The following C16orf78 variants were observed in gnomAD, a reference collection of about 807,000 sequenced individuals.
The protein encoded by C16orf78 is uncharacterized protein C16orf78.
A neutral mutation model predicts 27.3 loss-of-function variants in C16orf78; 19 were observed. The ratio of observed to expected loss-of-function variants is 0.70; its 90% CI spans 0.49 to 1.02. C16orf78 has a LOEUF of 1.02. C16orf78 is among the 50% of genes least tolerant of loss of function. The probability of loss-of-function intolerance (pLI) is 0.00; values close to 1 mark genes in which losing one functional copy is unlikely to be tolerated. For synonymous variants in C16orf78, 130 were observed against 116.1 expected, an observed-to-expected ratio of 1.12 and a Z score of -0.77; for missense variants, 339 against 337.0, an observed-to-expected ratio of 1.01 and a Z score of -0.05.
chr16:49,385,931 T>C (rs190675819), intron 3 of C16orf78, among the ~76,000 whole-genome samples: 9 of 152,234 alleles, frequency 5.9e-5, no homozygotes, highest in African/African-American at 9.6e-5. Flanking sequence ...GCTGAATGAA[T>C]TTAATAAAAA....
Position 49,387,884 on chromosome 16 carries a change from G to A in C16orf78, c.395-8539G>A, listed in dbSNP as rs191373226. Among the ~76,000 whole-genome samples the A allele has an allele frequency of 5.6e-4, 85 of 152,214 alleles. 2 individuals are homozygous for A. The highest frequency in any genetic ancestry group is 1.9e-3 in the African/African-American group (80 of 41,508). On this transcript the variant is annotated intron_variant, in intron 3 of 4. Coordinates refer to ENST00000299191, the MANE Select transcript of C16orf78 (RefSeq NM_144602.4). The stretch of plus-strand genomic sequence containing the variant: ...TCTGATGGTTATTTGTATTTCTGTG[G>A]GGTCAGTGGTAATATCTCCTTTGTA...
intron 3 of C16orf78, among the ~76,000 whole-genome samples, chr16:49,388,244 C>G (rs1187722484): frequency 6.6e-6 from 1 of 152,014 alleles, no homozygotes; most frequent in Admixed American, 6.6e-5. Flanking sequence ...TTCTTGTTTT[C>G]TGCTAGTTTT....
chr16:49,394,012 G>T (rs901394858), intron 3 of C16orf78, among the ~76,000 whole-genome samples: 1 of 151,920 alleles, frequency 6.6e-6, no homozygotes, highest in Non-Finnish European at 1.5e-5. Flanking sequence ...TATCAAAATT[G>T]GTACAATATA....
chr16:49,386,077 T>A (rs1965347067), intron 3 of C16orf78, among the ~76,000 whole-genome samples: 1 of 152,160 alleles, frequency 6.6e-6, no homozygotes, highest in South Asian at 2.1e-4. Context: ...TATACTTATA[T>A]CAGATTTTAA....
chr16:49,396,614 A>G lies in C16orf78; in HGVS notation c.586A>G (p.Lys196Glu), dbSNP rs765201923. 8.7e-6 allele frequency: 14 copies of G among 1,613,702 alleles called. No individual in the cohort carries two copies. Among genetic ancestry groups the G allele is most frequent in the Non-Finnish European group, 1.1e-5 (13 of 1,180,030 alleles). The change falls in exon 4 of 5, where the codon AAA (lysine) becomes GAA (glutamate). Residue 196 changes from lysine to glutamate, a missense_variant. Transcript: ENST00000299191. ...ACGCAAGCTAAAGAGCCTCATGGAG[A>G]AAAGCACCGAACCTAAGATGGAAAC... ...YERKLKSLMEKSTEPKMETMR... is the reference protein window; with the variant it reads ...YERKLKSLMEESTEPKMETMR...
chr16:49,373,927 G>A lies in C16orf78; in HGVS notation c.-13G>A, dbSNP rs1965184487. 1.2e-6 allele frequency: 2 copies of A among 1,613,920 alleles called. No individual in the cohort carries two copies. The highest frequency in any genetic ancestry group is 1.3e-5 in the African/African-American group (1 of 74,942). On this transcript the variant is annotated 5_prime_UTR_variant, in exon 1 of 5. Coordinates refer to ENST00000299191, the MANE Select transcript of C16orf78 (RefSeq NM_144602.4). ...CAGCCACCTCCCACCCAAGCCACTA[G>A]CAAGACTCCACAATGTCAGAGCAAC...
chr16:49,378,000 C>A (rs1965241962), intron 2 of C16orf78, 150 bp downstream of exon 2: 12 of 1,141,972 alleles, frequency 1.1e-5, no homozygotes, highest in Non-Finnish European at 1.5e-5. Flanking sequence ...CAAATAAAAT[C>A]TCCACCCCTC....
chr16:49,394,700 A>G (rs1965450114), intron 3 of C16orf78, among the ~76,000 whole-genome samples: 1 of 152,078 alleles, frequency 6.6e-6, no homozygotes, highest in Admixed American at 6.6e-5. Flanking sequence ...CAAATGTAAT[A>G]TATATTAAAA....
chr16:49,377,269 G>T lies in C16orf78; in HGVS notation c.151-462G>T, dbSNP rs1211831740. The stretch of plus-strand genomic sequence containing the variant: ...CAGGAAGACAGGATGGGGTGGGCCT[G>T]GGGTGCTCCGGGACCAAGGGAGAGG... On this transcript the variant is annotated intron_variant, in intron 1 of 4. Transcript: ENST00000299191. Among the ~76,000 whole-genome samples, 4 of 152,144 alleles carry T rather than the reference G, an allele frequency of 2.6e-5. No individual in the cohort carries two copies. The East Asian group carries it at 7.7e-4, about 29-fold the overall frequency.
At position 49,373,888 on chromosome 16, in the gene C16orf78, G is replaced by A; in HGVS notation, c.-52G>A. On this transcript the variant is annotated 5_prime_UTR_variant, in exon 1 of 5. Transcript: ENST00000299191. ...TCAAGTCCAGACAAAGGGATCGAAA[G>A]AGTGAGACAGTGCCAGCCACCTCCC... The A allele has an allele frequency of 6.2e-7, 1 of 1,605,994 alleles. No homozygotes were observed. The highest frequency in any genetic ancestry group is 8.5e-7 in the Non-Finnish European group (1 of 1,175,420).
intron 3 of C16orf78, among the ~76,000 whole-genome samples, chr16:49,384,333 A>G (rs1291048069): frequency 6.8e-6 from 1 of 147,064 alleles, no homozygotes; most frequent in East Asian, 2.0e-4. Context: ...GGGCAACAAG[A>G]GCAAAACTCC....
rs139239792 is a variant in C16orf78, at chr16:49,388,782, G to A, written c.395-7641G>A. Among the ~76,000 whole-genome samples the A allele has an allele frequency of 5.5e-4, 83 of 152,252 alleles. No homozygotes were observed. The East Asian group carries it at 0.012, about 22-fold the overall frequency. ...GCCTAACTTGGCCTTCCAAAGTGCTGGAATTATAGGCACCCCTTGTGCCCA... is the reference window on the plus strand; with the variant it reads ...GCCTAACTTGGCCTTCCAAAGTGCTAGAATTATAGGCACCCCTTGTGCCCA... On this transcript the variant is annotated intron_variant, in intron 3 of 4. Transcript: ENST00000299191.
In C16orf78 at chr16:49,386,964, T is replaced by C. The variant is rs146763245; in HGVS notation, c.394+8371T>C. Among the ~76,000 whole-genome samples, 13 of 152,356 alleles carry C rather than the reference T, an allele frequency of 8.5e-5. No homozygotes were observed. In the East Asian group the frequency reaches 1.9e-3, roughly 23 times the overall value. On this transcript the variant is annotated intron_variant, in intron 3 of 4. Transcript: ENST00000299191. The stretch of plus-strand genomic sequence containing the variant: ...TATATTCCCTTGGGTATATACCTAG[T>C]CATGGGATTGCTGGGTTGAATGATA...
chr16:49,382,443 AAATTT>A (rs1965297838), intron 3 of C16orf78, among the ~76,000 whole-genome samples: 1 of 151,906 alleles, frequency 6.6e-6, no homozygotes, highest in Admixed American at 6.6e-5. Flanking sequence ...ATAAATAAAT[AAATTT>A]AAAAAAAAGA....
At position 49,391,771 on chromosome 16, in the gene C16orf78, A is replaced by C. The variant is rs60886477; in HGVS notation, c.395-4652A>C. ...TTGCTATCGCTCCTTCCTTCATGAG[A>C]CCCACCTTGCATGGAAGAGGATCAG... On this transcript the variant is annotated intron_variant, in intron 3 of 4. Transcript: ENST00000299191. 7.9e-3 allele frequency among the ~76,000 whole-genome samples: 1,196 copies of C among 152,262 alleles called. 15 individuals are homozygous for C. Among genetic ancestry groups the C allele is most frequent in the East Asian group, 0.037 (193 of 5,180 alleles).
At chr16:49,381,578 A>G (rs1209986534) in intron 3 of C16orf78, among the ~76,000 whole-genome samples, 2 of 152,070 alleles carry the variant, frequency 1.3e-5, no homozygotes, top group Admixed American at 1.3e-4. Flanking sequence ...GAAAAAACAA[A>G]CAACCCCATC....
intron 3 of C16orf78, among the ~76,000 whole-genome samples, chr16:49,380,133 G>A (rs141697368): frequency 2.2e-4 from 33 of 152,202 alleles, no homozygotes; most frequent in Non-Finnish European, 3.7e-4. Flanking sequence ...AGGGGCTCTC[G>A]GGCTTTTGGC....
chr16:49,399,114 T>A lies in C16orf78; in HGVS notation c.651-17T>A, dbSNP rs745449286. On this transcript the variant is annotated splice_polypyrimidine_tract_variant and intron_variant, in intron 4 of 4. Transcript: ENST00000299191. ...GACTCCACCTTCAACTGACCTCTTT[T>A]GCCTTCTCTTGAACAGATACCTGAG... 6.2e-7 allele frequency: 1 copy of A among 1,612,546 alleles called. No individual in the cohort carries two copies. Among genetic ancestry groups the A allele is most frequent in the South Asian group, 1.1e-5 (1 of 90,772 alleles).
intron 3 of C16orf78, among the ~76,000 whole-genome samples, chr16:49,382,126 A>G: frequency 6.6e-6 from 1 of 152,202 alleles, no homozygotes; most frequent in Non-Finnish European, 1.5e-5. Context: ...GACATGGATG[A>G]AATTGGAAAT....
Sources: allele counts gnomAD v4.1 joint callset (sites outside exome capture counted in the v4.1 genomes callset), GRCh38; gene constraint gnomAD v4.1.1; transcripts MANE v1.5; gene names NCBI Gene and HGNC (gene_info 2026-07-23, HGNC 2026-07-21).